ROS1: variants seen among roughly 807,000 people sequenced by gnomAD.
ROS1 encodes ROS proto-oncogene 1, receptor tyrosine kinase.
A neutral mutation model predicts 273.5 loss-of-function variants in ROS1; 263 were observed. The ratio of observed to expected loss-of-function variants is 0.96; its 90% CI spans 0.87 to 1.06. ROS1 has a LOEUF of 1.06. Among genes scored for constraint, ROS1 ranks in the 50% least tolerant of loss-of-function variants. ROS1 has a pLI of 0.00. For synonymous variants in ROS1, 1,008 were observed against 954.1 expected, an observed-to-expected ratio of 1.06 and a Z score of -1.04; for missense variants, 2,833 against 2,751.1, an observed-to-expected ratio of 1.03 and a Z score of -0.67.
chr6:117,404,370 T>G lies in ROS1; in HGVS notation c.375A>C (p.Thr125=), dbSNP rs1363398086. 6 of 1,613,782 alleles carry G rather than the reference T, an allele frequency of 3.7e-6. No individual in the cohort carries two copies. The Admixed American group carries it at 8.3e-5, about 22-fold the overall frequency. The part of the protein sequence containing the change: ...FASSIGSHNM[T]LRWKSANFSG... ...AGAAGTTTGCAGATTTCCATCGTAA[T>G]GTCATATTGTGGCTTCCAATGGAAG... The change falls in exon 6 of 44, where the codon ACA becomes ACC. Residue 125 remains threonine (T), a synonymous_variant. Coordinates refer to ENST00000368507, the MANE Select transcript of ROS1 (RefSeq NM_001378902.1).
chr6:117,359,210 G>A (rs1003915379), intron 24 of ROS1, among the ~76,000 whole-genome samples: 8 of 152,020 alleles, frequency 5.3e-5, no homozygotes, highest in African/African-American at 1.2e-4. Flanking sequence ...CCTAGACTAC[G>A]TGTTCATTCT....
Position 117,359,489 on chromosome 6 carries a change from C to T in ROS1, c.3633+320G>A, listed in dbSNP as rs138548871. ...AAATTCCAAAACTCACCTTCTTAAT[C>T]ACTAGGCAATACTGCCTTCCTAGTG... is the stretch of plus-strand genomic sequence containing the variant. On this transcript the variant is annotated intron_variant, in intron 24 of 43. Coordinates refer to ENST00000368507, the MANE Select transcript of ROS1 (RefSeq NM_001378902.1). Among the ~76,000 whole-genome samples the T allele has an allele frequency of 4.2e-4, 64 of 152,288 alleles. 2 individuals carry two copies. The East Asian group carries it at 0.01, about 24-fold the overall frequency.
intron 27 of ROS1, among the ~76,000 whole-genome samples, chr6:117,346,256 T>A (rs1243528265): frequency 6.7e-6 from 1 of 149,868 alleles, no homozygotes; most frequent in Non-Finnish European, 1.5e-5. Context: ...TCCCTTACAT[T>A]TTTTTTTTTA....
At chr6:117,365,310 A>G in intron 20 of ROS1, 106 bp from the exon 21 acceptor site, 1 of 1,275,212 alleles carries the variant, frequency 7.8e-7, no homozygotes, top group Non-Finnish European at 1.1e-6. Context: ...TAAAATCAAA[A>G]TTTGCAATTT....
chr6:117,318,365 AC>A, intron 37 of ROS1, 113 bp from the exon 38 acceptor site: 1 of 765,662 alleles, frequency 1.3e-6, no homozygotes, highest in South Asian at 1.6e-5. Context: ...AAAGCTGGAA[AC>A]AGATCGTAGA....
intron 7 of ROS1, among the ~76,000 whole-genome samples, chr6:117,401,803 T>TTAAAA (rs538575859): frequency 2.2e-5 from 2 of 89,186 alleles, no homozygotes; most frequent in African/African-American, 8.9e-5. Flanking sequence ...AACTTTTCAG[T>TTAAAA]AAAAAAAAAA....
chr6:117,407,955 A>G (rs1200493514), intron 5 of ROS1, among the ~76,000 whole-genome samples: 1 of 152,202 alleles, frequency 6.6e-6, no homozygotes, highest in Non-Finnish European at 1.5e-5. Flanking sequence ...AAAAACAAGA[A>G]ATGGGGAAAG....
intron 42 of ROS1, among the ~76,000 whole-genome samples, chr6:117,302,939 GC>G (rs1166162519): frequency 2.0e-5 from 3 of 152,068 alleles, no homozygotes; most frequent in Non-Finnish European, 4.4e-5. Context: ...TCACCCTCCC[GC>G]CTCTATCAAG....
Position 117,319,863 on chromosome 6 carries a change from A to G in ROS1, c.5922+5T>C, listed in dbSNP as rs201789749. On this transcript the variant is annotated splice_donor_5th_base_variant and intron_variant, in intron 37 of 43. Transcript: ENST00000368507. ...TGTGTCAAGGAGTTCGAAGATTCAC[A>G]TTACCTTCACTGCTACTTTGATTTC... 1.3e-5 allele frequency: 21 copies of G among 1,612,052 alleles called. No homozygotes were observed. The East Asian group carries it at 4.5e-4, about 34-fold the overall frequency.
chr6:117,377,453 AAG>A (rs1302697634), intron 18 of ROS1, among the ~76,000 whole-genome samples: 4 of 152,186 alleles, frequency 2.6e-5, no homozygotes, highest in Non-Finnish European at 5.9e-5. Context: ...TAAATAAAGA[AAG>A]AGAAAATCTC....
At chr6:117,294,876 C>T (rs556486976) in intron 43 of ROS1, among the ~76,000 whole-genome samples, 85 of 152,180 alleles carry the variant, frequency 5.6e-4, no homozygotes, top group African/African-American at 2.0e-3. Flanking sequence ...GTTAAAATGG[C>T]CATACTGCCC....
At position 117,353,161 on chromosome 6, in the gene ROS1, T is replaced by C; in HGVS notation, c.4132A>G (p.Thr1378Ala). ...VITVPAMLGK[T>A]LVSLTVDGDL... ...CCATCCACAGTTAAGCTAACAAGGG[T>C]TTTTCCTGCTGTTAAAAACATAAGG... Residue 1378 changes from threonine to alanine, a missense_variant, in exon 27 of 44, where the codon ACC (threonine) becomes GCC (alanine). Transcript: ENST00000368507. 1 of 1,601,848 alleles carries C rather than the reference T, an allele frequency of 6.2e-7. No individual in the cohort carries two copies. Among genetic ancestry groups the C allele is most frequent in the Non-Finnish European group, 8.5e-7 (1 of 1,173,710 alleles).
intron 1 of ROS1, among the ~76,000 whole-genome samples, chr6:117,424,835 C>G (rs1776020907): frequency 6.6e-6 from 1 of 152,078 alleles, no homozygotes; most frequent in Non-Finnish European, 1.5e-5. Context: ...TGCAAACTAT[C>G]ATGATATTTT....
chr6:117,404,271 C>G lies in ROS1; in HGVS notation c.465+9G>C. On this transcript the variant is annotated intron_variant, in intron 6 of 43. Transcript: ENST00000368507. ...GTCTGGGTTGAGGTACAAAGGCAGCCTTTCATACCTTAGTATAAGTCCAGC... is the reference window on the plus strand; with the variant it reads ...GTCTGGGTTGAGGTACAAAGGCAGCGTTTCATACCTTAGTATAAGTCCAGC... 6.2e-7 allele frequency: 1 copy of G among 1,612,926 alleles called. No individual in the cohort carries two copies. Among genetic ancestry groups the G allele is most frequent in the Non-Finnish European group, 8.5e-7 (1 of 1,179,434 alleles).
intron 27 of ROS1, among the ~76,000 whole-genome samples, chr6:117,347,457 CT>C (rs923313750): frequency 1.3e-5 from 2 of 152,040 alleles, no homozygotes; most frequent in Non-Finnish European, 2.9e-5. Flanking sequence ...TTCCAGGAGT[CT>C]TTTTGTCAAT....
intron 5 of ROS1, among the ~76,000 whole-genome samples, chr6:117,409,218 A>T (rs1774689019): frequency 7.3e-6 from 1 of 136,940 alleles, no homozygotes; most frequent in African/African-American, 2.9e-5. Flanking sequence ...GTATAATAAA[A>T]TAAATAAATA....
chr6:117,311,020 C>A lies in ROS1; in HGVS notation c.6215G>T (p.Arg2072Met), dbSNP rs528528184. The A allele has an allele frequency of 1.3e-6, 2 of 1,592,808 alleles. No homozygotes were observed. The highest frequency in any genetic ancestry group is 1.7e-5 in the Admixed American group (1 of 58,898). ...VYLERMHFIH[R>M]DLAARNCLVS... ...CCCTGTATCCAGAAGAGAATTGTAC[C>A]TGTGAATGAAATGCATCCGTTCCAA... The change falls in exon 40 of 44, where the codon AGG becomes ATG. Residue 2072 changes from arginine to methionine, a missense_variant and splice_region_variant. Arg to Met is a moderately conservative substitution (Grantham distance 91, BLOSUM62 -1). Coordinates refer to ENST00000368507, the MANE Select transcript of ROS1 (RefSeq NM_001378902.1).
chr6:117,319,378 T>C (rs1445857682), intron 37 of ROS1, among the ~76,000 whole-genome samples: 1 of 152,152 alleles, frequency 6.6e-6, no homozygotes, highest in Admixed American at 6.6e-5. Flanking sequence ...TCATGACATA[T>C]GAAAATAATA....
intron 34 of ROS1, among the ~76,000 whole-genome samples, 190 bp downstream of exon 34, chr6:117,326,034 T>C (rs915991821): frequency 4.0e-5 from 6 of 148,738 alleles, no homozygotes; most frequent in Non-Finnish European, 8.9e-5. Context: ...ATGATAATGA[T>C]GTTTTAGAAA....
Sources: gnomAD v4.1 joint callset for allele counts (sites outside exome capture counted in the v4.1 genomes callset) on GRCh38, gnomAD v4.1.1 for gene constraint, MANE v1.5 for transcripts, NCBI Gene and HGNC (gene_info 2026-07-23, HGNC 2026-07-21) for gene names.